The following SDK1 variants were observed in gnomAD, a reference collection of about 807,000 sequenced individuals.
SDK1 encodes the protein sidekick cell adhesion molecule 1.
SDK1 carries 157 observed loss-of-function variants against 245.5 expected under a neutral mutation model. That is an observed-to-expected ratio of 0.64 (90% CI 0.56 to 0.73). SDK1 has a LOEUF of 0.73. Among genes scored for constraint, SDK1 ranks in the 30% least tolerant of loss-of-function variants. The pLI is 0.00. For missense variants in SDK1, 3,583 were observed against 3,002.3 expected (o/e 1.19, Z -4.52); for synonymous variants, 1,647 against 1,278.5 (o/e 1.29, Z -6.15).
intron 16 of SDK1, among the ~76,000 whole-genome samples, chr7:4,014,554 T>C (rs780158158): frequency 1.3e-5 from 2 of 152,208 alleles, no homozygotes; most frequent in Non-Finnish European, 2.9e-5. Flanking sequence ...ACAGTCTCTG[T>C]GTCAGATCCG....
chr7:4,218,846 TA>T (rs1198491921), intron 38 of SDK1, among the ~76,000 whole-genome samples: 1 of 152,158 alleles, frequency 6.6e-6, no homozygotes, highest in East Asian at 1.9e-4. Flanking sequence ...GAGATTAATC[TA>T]TTGAAAGTTC....
chr7:3,439,204 T>A (rs1780121938), intron 1 of SDK1, among the ~76,000 whole-genome samples: 1 of 152,120 alleles, frequency 6.6e-6, no homozygotes, highest in South Asian at 2.1e-4. Context: ...ATCACATTTT[T>A]GGGGTGGTGG....
At chr7:3,769,550 T>C (rs183182213) in intron 4 of SDK1, among the ~76,000 whole-genome samples, 1 of 152,218 alleles carries the variant, frequency 6.6e-6, no homozygotes, top group Non-Finnish European at 1.5e-5. Context: ...TACTATCACA[T>C]TGGGTATTAA....
At chr7:3,472,777 C>T (rs920586745) in intron 1 of SDK1, among the ~76,000 whole-genome samples, 1 of 152,184 alleles carries the variant, frequency 6.6e-6, no homozygotes, top group Non-Finnish European at 1.5e-5. Flanking sequence ...TCAGGTCTGG[C>T]TAACAGTACC....
intron 5 of SDK1, among the ~76,000 whole-genome samples, chr7:3,907,652 T>G (rs56269630): frequency 0.045 from 6,898 of 152,320 alleles, 515 homozygotes; most frequent in African/African-American, 0.15. Context: ...TTACTGAATC[T>G]TATAGCAACT....
chr7:3,810,751 T>C (rs1302023641), intron 4 of SDK1, among the ~76,000 whole-genome samples: 1 of 152,176 alleles, frequency 6.6e-6, no homozygotes, highest in Non-Finnish European at 1.5e-5. Context: ...TTATGACACA[T>C]AAACACATGT....
chr7:3,493,953 A>G (rs1034314631), intron 1 of SDK1, among the ~76,000 whole-genome samples: 3 of 152,250 alleles, frequency 2.0e-5, no homozygotes, highest in African/African-American at 4.8e-5. Flanking sequence ...GTGGTTTTGT[A>G]TAGCCAGAAC....
intron 1 of SDK1, among the ~76,000 whole-genome samples, chr7:3,336,310 C>G (rs1394667749): frequency 6.6e-6 from 1 of 152,186 alleles, no homozygotes; most frequent in Non-Finnish European, 1.5e-5. Flanking sequence ...GGTGGTACTT[C>G]AATTCCCCTG....
At chr7:4,195,636 A>G (rs1264410507) in intron 35 of SDK1, among the ~76,000 whole-genome samples, 1 of 152,294 alleles carries the variant, frequency 6.6e-6, no homozygotes, top group South Asian at 2.1e-4. Flanking sequence ...AAGAGCAAGC[A>G]CTTAGAAGCC....
rs546547608 is a variant in SDK1, at chr7:3,734,803, A to G, written c.714-86647A>G. Among the ~76,000 whole-genome samples the G allele has an allele frequency of 3.3e-5, 5 of 152,334 alleles. No individual in the cohort carries two copies. The South Asian group carries it at 1.0e-3, about 32-fold the overall frequency. Reference sequence around the variant, plus strand: ...GTTGAACAGCCTCTGTCTTATAAACAGATTATAGTATTGTTAGGATTAGCC... The same window carrying G: ...GTTGAACAGCCTCTGTCTTATAAACGGATTATAGTATTGTTAGGATTAGCC... On this transcript the variant is annotated intron_variant, in intron 4 of 44. Coordinates refer to ENST00000404826, the MANE Select transcript of SDK1 (RefSeq NM_152744.4).
intron 26 of SDK1, 129 bp from the exon 27 acceptor site, chr7:4,129,779 A>C (rs1185651751): frequency 6.6e-7 from 1 of 1,513,502 alleles, no homozygotes; most frequent in African/African-American, 1.4e-5. Context: ...GAAGCCCTGC[A>C]CACAGCCATC....
chr7:4,081,510 C>G (rs1432097018), intron 22 of SDK1, among the ~76,000 whole-genome samples: 2 of 132,154 alleles, frequency 1.5e-5, no homozygotes, highest in African/African-American at 7.6e-5. Flanking sequence ...AGCTCTTCCT[C>G]CCAGGTTCAA....
Position 4,141,326 on chromosome 7 carries a change from A to G in SDK1, c.4229-4396A>G, listed in dbSNP as rs145554946. 6.5e-3 allele frequency among the ~76,000 whole-genome samples: 985 copies of G among 152,382 alleles called. 43 individuals carry two copies. Among genetic ancestry groups the G allele is most frequent in the Admixed American group, 0.055 (846 of 15,314 alleles). Reference sequence around the variant, plus strand: ...TTGGCAAGAAGAAACCAGTTCCCACATAATCCCCAAATCCTGTGATCCACA... The same window carrying G: ...TTGGCAAGAAGAAACCAGTTCCCACGTAATCCCCAAATCCTGTGATCCACA... On this transcript the variant is annotated intron_variant, in intron 28 of 44. Transcript: ENST00000404826.
At chr7:3,367,586 T>C (rs1245316709) in intron 1 of SDK1, among the ~76,000 whole-genome samples, 2 of 152,218 alleles carry the variant, frequency 1.3e-5, no homozygotes, top group Non-Finnish European at 2.9e-5. Context: ...TTATGCTCTT[T>C]TAATTTTTCT....
chr7:3,581,128 A>AGT, intron 1 of SDK1, among the ~76,000 whole-genome samples: 1 of 152,172 alleles, frequency 6.6e-6, no homozygotes, highest in Admixed American at 6.6e-5. Flanking sequence ...AATTAAACTT[A>AGT]ATAGCTTTTG....
intron 35 of SDK1, among the ~76,000 whole-genome samples, chr7:4,193,180 G>GTATAAATATATTAAAATATTTATATATTA (rs1783320917): frequency 8.0e-6 from 1 of 124,976 alleles, no homozygotes; most frequent in East Asian, 2.1e-4. Flanking sequence ...TTTATATATT[G>GTATAAATATATTAAAATATTTATATATTA]TATAAATATA....
chr7:3,917,206 G>T (rs1468110879), intron 5 of SDK1, among the ~76,000 whole-genome samples: 1 of 152,174 alleles, frequency 6.6e-6, no homozygotes, highest in Non-Finnish European at 1.5e-5. Context: ...TCAATCACTT[G>T]AAAGCATACG....
chr7:3,697,311 C>G (rs1562378566), intron 4 of SDK1, among the ~76,000 whole-genome samples: 1 of 152,194 alleles, frequency 6.6e-6, no homozygotes, highest in East Asian at 1.9e-4. Flanking sequence ...TTCTTTCCCG[C>G]TGCAATTTAC....
chr7:4,051,741 T>C lies in SDK1; in HGVS notation c.2822T>C (p.Phe941Ser). Reference protein sequence around the residue: ...HHGHITNLKKFTAYFTSVLCF... With the variant: ...HHGHITNLKKSTAYFTSVLCF... ...GGACACATAACGAACCTGAAGAAGTTTACCGCCTACTTCACTTCCGTTCTG... is the reference window on the plus strand; with the variant it reads ...GGACACATAACGAACCTGAAGAAGTCTACCGCCTACTTCACTTCCGTTCTG... Residue 941 changes from phenylalanine (F) to serine (S), a missense_variant, in exon 19 of 45, where the codon TTT becomes TCT. Transcript: ENST00000404826. 5 of 1,613,942 alleles carry C rather than the reference T, an allele frequency of 3.1e-6. No individual in the cohort carries two copies. The highest frequency in any genetic ancestry group is 4.2e-6 in the Non-Finnish European group (5 of 1,179,932).
Sources: gnomAD v4.1 joint callset for allele counts (sites outside exome capture counted in the v4.1 genomes callset) on GRCh38, gnomAD v4.1.1 for gene constraint, MANE v1.5 for transcripts, NCBI Gene and HGNC (gene_info 2026-07-23, HGNC 2026-07-21) for gene names.